The following UGT2A1 variants were observed in gnomAD, a reference collection of about 807,000 sequenced individuals.
UGT2A1 encodes the protein UDP glucuronosyltransferase family 2 member A1 complex locus, also known as UDP-glucuronosyltransferase 2A1.
UGT2A1 carries 61 observed loss-of-function variants against 45.4 expected under a neutral mutation model. That is an observed-to-expected ratio of 1.34 (90% CI 1.09 to 1.66). UGT2A1 has a LOEUF of 1.66. UGT2A1 is among the 40% of genes most tolerant of loss of function. The pLI, the probability that UGT2A1 is intolerant of heterozygous loss-of-function variation, is 0.00. For synonymous variants in UGT2A1, 229 were observed against 196.2 expected, an observed-to-expected ratio of 1.17 and a Z score of -1.40; for missense variants, 649 against 574.3, an observed-to-expected ratio of 1.13 and a Z score of -1.33.
At position 69,589,265 on chromosome 4, in the gene UGT2A1, A is replaced by G; in HGVS notation, c.*107T>C. The stretch of plus-strand genomic sequence containing the variant: ...GAGAAATAGAAAATTTGGAAACAGG[A>G]TGGGAGACGTGTTTTTGTTAAACTC... On this transcript the variant is annotated 3_prime_UTR_variant, in exon 7 of 7. Transcript: ENST00000286604. 2.2e-6 allele frequency: 3 copies of G among 1,351,984 alleles called. No individual in the cohort carries two copies. Among genetic ancestry groups the G allele is most frequent in the Non-Finnish European group, 2.9e-6 (3 of 1,025,954 alleles). 83.7% of individuals were successfully genotyped at this position (1,351,984 alleles called of 1,614,324 possible). A position where few individuals can be genotyped will look rare whatever the true frequency, so the allele number is the denominator to read the frequency against.
intron 2 of UGT2A1, among the ~76,000 whole-genome samples, chr4:69,642,287 C>T (rs949866096): frequency 2.0e-5 from 3 of 151,506 alleles, no homozygotes; most frequent in Non-Finnish European, 3.0e-5. Flanking sequence ...AATGTAATGC[C>T]GGTGGCTGTC....
chr4:69,628,490 C>T (rs1721213471), intron 3 of UGT2A1, among the ~76,000 whole-genome samples: 2 of 151,424 alleles, frequency 1.3e-5, no homozygotes, highest in South Asian at 2.1e-4. Context: ...CAAGAATATA[C>T]GATGAACAAA....
At chr4:69,594,035 C>T (rs1274313081) in intron 6 of UGT2A1, among the ~76,000 whole-genome samples, 2 of 138,616 alleles carry the variant, frequency 1.4e-5, no homozygotes, top group African/African-American at 5.4e-5. Flanking sequence ...AGTGCAGTGG[C>T]ACAATCTTGG....
At chr4:69,601,186 C>A (rs555530029) in intron 3 of UGT2A1, among the ~76,000 whole-genome samples, 6 of 152,228 alleles carry the variant, frequency 3.9e-5, no homozygotes, top group Non-Finnish European at 7.4e-5. Context: ...GCAGCAGAGG[C>A]GGCTGCACTT....
Position 69,595,241 on chromosome 4 carries a change from C to T in UGT2A1, c.1005G>A (p.Trp335Ter), listed in dbSNP as rs1281877099. Residue 335 changes from tryptophan (W) to a stop codon, truncating the protein, a stop_gained, in exon 5 of 7, where the codon TGG (tryptophan) becomes TGA (stop). Transcript: ENST00000286604. LOFTEE classifies it high-confidence loss of function. ...TGGCTGGTTTCTTTCCTTTGTATCTCCATAAAACCTGTGGAAAATGGTGCT... is the reference window on the plus strand; with the variant it reads ...TGGCTGGTTTCTTTCCTTTGTATCTTCATAAAACCTGTGGAAAATGGTGCT... Reference protein sequence around the residue: ...KPAKPLPKVLWRYKGKKPATL... With the variant: ...KPAKPLPKVL 3.1e-6 allele frequency: 5 copies of T among 1,613,450 alleles called. No individual in the cohort carries two copies. Among genetic ancestry groups the T allele is most frequent in the Non-Finnish European group, 1.7e-6 (2 of 1,179,824 alleles).
intron 1 of UGT2A1, among the ~76,000 whole-genome samples, chr4:69,651,918 T>A (rs1249851570): frequency 6.6e-6 from 1 of 152,156 alleles, no homozygotes; most frequent in Non-Finnish European, 1.5e-5. Context: ...AAGGGAAGAA[T>A]CATGGAAAAG....
rs540210705 is a variant in UGT2A1 at position 69,644,596 on chromosome 4, T to C, written c.715+2334A>G. 2.8e-4 allele frequency among the ~76,000 whole-genome samples: 42 copies of C among 151,848 alleles called. No homozygotes were observed. In the South Asian group the frequency reaches 8.3e-3, roughly 30 times the overall value. ...TTAAGATCTAGTTTCAACCATAAGA[T>C]GTTTCCCATTCACTTTTATCTTTAT... is the stretch of plus-strand genomic sequence containing the variant. On this transcript the variant is annotated intron_variant, in intron 2 of 6. Transcript: ENST00000286604.
chr4:69,608,342 T>TTCTC (rs1719800991), intron 3 of UGT2A1, among the ~76,000 whole-genome samples: 1 of 147,340 alleles, frequency 6.8e-6, no homozygotes, highest in African/African-American at 2.5e-5. Context: ...ACACTGCATG[T>TTCTC]TCTCACTCAT....
intron 2 of UGT2A1, among the ~76,000 whole-genome samples, chr4:69,638,634 G>A (rs1721858457): frequency 6.6e-6 from 1 of 152,072 alleles, no homozygotes; most frequent in South Asian, 2.1e-4. Flanking sequence ...TTTATATTTT[G>A]AAATTGATTT....
At chr4:69,633,974 G>C (rs1267395400) in intron 3 of UGT2A1, among the ~76,000 whole-genome samples, 1 of 152,092 alleles carries the variant, frequency 6.6e-6, no homozygotes, top group Admixed American at 6.6e-5. Flanking sequence ...GGCCGCGCGC[G>C]GTGGCTCACG....
At chr4:69,628,794 T>C (rs1258252760) in intron 3 of UGT2A1, among the ~76,000 whole-genome samples, 2 of 148,516 alleles carry the variant, frequency 1.3e-5, no homozygotes, top group Non-Finnish European at 3.0e-5. Flanking sequence ...ATACGTGAAA[T>C]GCCTAAAAAC....
intron 6 of UGT2A1, 50 bp downstream of exon 6, chr4:69,594,427 T>A (rs765871805): frequency 1.9e-6 from 3 of 1,590,764 alleles, no homozygotes; most frequent in Admixed American, 1.8e-5. Context: ...TCTGGTATTA[T>A]GAATAATGTA....
At chr4:69,633,812 G>A (rs1721518344) in intron 3 of UGT2A1, among the ~76,000 whole-genome samples, 1 of 152,144 alleles carries the variant, frequency 6.6e-6, no homozygotes, top group African/African-American at 2.4e-5. Context: ...GGACTGATAA[G>A]CGGATGAAAG....
chr4:69,604,981 G>A (rs62306496), intron 3 of UGT2A1, among the ~76,000 whole-genome samples: 25,070 of 135,196 alleles, frequency 0.19, 6,101 homozygotes, highest in Non-Finnish European at 0.22. Flanking sequence ...GAGAGACTTT[G>A]ACACCCCACT....
At chr4:69,639,518 A>G (rs1367054812) in intron 2 of UGT2A1, 1 of 1,613,220 alleles carries the variant, frequency 6.2e-7, no homozygotes, top group Non-Finnish European at 8.5e-7. Context: ...TATTTAACCA[A>G]TGGCTACCAT....
At chr4:69,631,294 CAAAG>C (rs998412262) in intron 3 of UGT2A1, among the ~76,000 whole-genome samples, 15 of 133,922 alleles carry the variant, frequency 1.1e-4, no homozygotes, top group African/African-American at 4.0e-4. Context: ...TGATGTTTGT[CAAAG>C]AGAGAGTTAC....
intron 3 of UGT2A1, among the ~76,000 whole-genome samples, chr4:69,622,848 C>T (rs1277095655): frequency 6.6e-6 from 1 of 151,764 alleles, no homozygotes; most frequent in Non-Finnish European, 1.5e-5. Flanking sequence ...GTCTTGGCTT[C>T]GGTGTAGGAC....
At chr4:69,620,061 T>C (rs1420333298) in intron 3 of UGT2A1, among the ~76,000 whole-genome samples, 3 of 152,068 alleles carry the variant, frequency 2.0e-5, no homozygotes, top group African/African-American at 7.2e-5. Flanking sequence ...AGCATTTTCC[T>C]TATAAACTGG....
chr4:69,604,856 A>C (rs553614427), intron 3 of UGT2A1, among the ~76,000 whole-genome samples: 2 of 137,266 alleles, frequency 1.5e-5, no homozygotes, highest in Non-Finnish European at 3.1e-5. Flanking sequence ...GGATCAATTC[A>C]ACAAGAAGAG....
Sources: allele counts gnomAD v4.1 joint callset (sites outside exome capture counted in the v4.1 genomes callset), GRCh38; gene constraint gnomAD v4.1.1; transcripts MANE v1.5; gene names NCBI Gene and HGNC (gene_info 2026-07-23, HGNC 2026-07-21).